The following SPOPL variants were observed in gnomAD, a reference collection of about 807,000 sequenced individuals.
The protein encoded by SPOPL is speckle-type POZ protein-like.
In SPOPL, 23 loss-of-function variants were observed where a neutral mutation model predicts 53.8. The ratio of observed to expected loss-of-function variants is 0.43; its 90% confidence interval spans 0.31 to 0.61. The LOEUF (loss-of-function observed/expected upper bound fraction) is 0.61, where lower values mean the gene tolerates loss of function less well. Ranked by LOEUF, SPOPL falls within the 20% of genes least tolerant of loss-of-function variation. SPOPL has a pLI of 0.12. For synonymous variants in SPOPL, 164 were observed against 149.7 expected (o/e 1.10, Z -0.70); for missense variants, 442 against 466.9 (o/e 0.95, Z 0.49).
intron 1 of SPOPL, among the ~76,000 whole-genome samples, chr2:138,534,586 TA>T (rs1684887210): frequency 2.6e-5 from 4 of 152,190 alleles, no homozygotes; most frequent in African/African-American, 9.7e-5. Flanking sequence ...TATGTGCAGG[TA>T]TTTTTTTTAA....
At chr2:138,538,199 T>A (rs1490101260) in intron 1 of SPOPL, among the ~76,000 whole-genome samples, 1 of 152,188 alleles carries the variant, frequency 6.6e-6, no homozygotes, top group Non-Finnish European at 1.5e-5. Context: ...CCACTGTTGA[T>A]GAGTGAAATG....
chr2:138,514,413 A>G (rs1229040055), intron 1 of SPOPL, among the ~76,000 whole-genome samples: 1 of 152,172 alleles, frequency 6.6e-6, no homozygotes, highest in South Asian at 2.1e-4. Context: ...TTTGAATACA[A>G]TGGGAAGCAG....
At chr2:138,528,912 T>C (rs1684735568) in intron 1 of SPOPL, among the ~76,000 whole-genome samples, 1 of 152,214 alleles carries the variant, frequency 6.6e-6, no homozygotes, top group Non-Finnish European at 1.5e-5. Context: ...TATCTTCTTC[T>C]TAGAGTTAAT....
chr2:138,571,488 A>G lies in SPOPL; in HGVS notation c.*2408A>G, dbSNP rs754869845. On this transcript the variant is annotated 3_prime_UTR_variant, in exon 11 of 11. Coordinates refer to ENST00000280098, the MANE Select transcript of SPOPL (RefSeq NM_001001664.3). ...GTTTGTAGAAATGTCCACTTTTCAG[A>G]TAATATAATGCCTACCATTATACTA... is the stretch of plus-strand genomic sequence containing the variant. 1 of 152,566 alleles carries G rather than the reference A, an allele frequency of 6.6e-6. No individual in the cohort carries two copies. The highest frequency in any genetic ancestry group is 1.9e-4 in the East Asian group (1 of 5,200). 9.5% of individuals were successfully genotyped at this position (152,566 alleles called of 1,614,324 possible).
At chr2:138,519,656 G>C (rs115399602) in intron 1 of SPOPL, among the ~76,000 whole-genome samples, 1,646 of 152,186 alleles carry the variant, frequency 0.011, 31 homozygotes, top group African/African-American at 0.037. Flanking sequence ...AATTATGCAG[G>C]TATGGCATGC....
intron 1 of SPOPL, among the ~76,000 whole-genome samples, chr2:138,517,632 T>C (rs948756119): frequency 6.6e-6 from 1 of 151,258 alleles, no homozygotes; most frequent in Admixed American, 6.6e-5. Flanking sequence ...CCCAGGTACC[T>C]GAGAGGCTGA....
intron 8 of SPOPL, among the ~76,000 whole-genome samples, chr2:138,563,512 C>T (rs182851555): frequency 5.9e-5 from 9 of 152,004 alleles, no homozygotes; most frequent in Non-Finnish European, 1.2e-4. Flanking sequence ...ATCATTAGGT[C>T]GTTAGGGAAA....
rs1314681883 is a variant in SPOPL, at chr2:138,535,217, C to A, written c.-60-14940C>A. 2.0e-5 allele frequency among the ~76,000 whole-genome samples: 3 copies of A among 152,110 alleles called. No homozygotes were observed. In the East Asian group the frequency reaches 5.8e-4, roughly 29 times the overall value. Reference sequence around the variant, plus strand: ...GTACATGTACCACATTTTAAAAATTCATTTATTGCTTGATGAACATTTGGA... The same window carrying A: ...GTACATGTACCACATTTTAAAAATTAATTTATTGCTTGATGAACATTTGGA... On this transcript the variant is annotated intron_variant, in intron 1 of 10. Transcript: ENST00000280098.
At chr2:138,512,382 G>A (rs1257736514) in intron 1 of SPOPL, among the ~76,000 whole-genome samples, 4 of 152,130 alleles carry the variant, frequency 2.6e-5, no homozygotes, top group African/African-American at 7.2e-5. Context: ...AATAACCTGT[G>A]ATGTAGTTGG....
At chr2:138,520,714 A>G (rs1305517486) in intron 1 of SPOPL, among the ~76,000 whole-genome samples, 1 of 152,156 alleles carries the variant, frequency 6.6e-6, no homozygotes, top group African/African-American at 2.4e-5. Flanking sequence ...TGAATGAATG[A>G]TTTTTTAAAA....
At chr2:138,560,541 C>T (rs1372211900) in intron 7 of SPOPL, among the ~76,000 whole-genome samples, 1 of 151,678 alleles carries the variant, frequency 6.6e-6, no homozygotes, top group Non-Finnish European at 1.5e-5. Context: ...GATATGGGCT[C>T]TCCAGCTGGT....
At position 138,511,714 on chromosome 2, in the gene SPOPL, A is replaced by G. The variant is rs189160379; in HGVS notation, c.-61+9595A>G. Among the ~76,000 whole-genome samples the G allele has an allele frequency of 5.9e-5, 9 of 152,304 alleles. No individual in the cohort carries two copies. The East Asian group carries it at 1.7e-3, about 29-fold the overall frequency. Reference sequence around the variant, plus strand: ...AAATAGCTGTCTTAGAATTAGTGAAAGGTGGAATTAGTGCTACCTTGTTTT... The same window carrying G: ...AAATAGCTGTCTTAGAATTAGTGAAGGGTGGAATTAGTGCTACCTTGTTTT... On this transcript the variant is annotated intron_variant, in intron 1 of 10. Coordinates refer to ENST00000280098, the MANE Select transcript of SPOPL (RefSeq NM_001001664.3).
intron 1 of SPOPL, among the ~76,000 whole-genome samples, chr2:138,508,849 T>TA (rs1288025759): frequency 6.6e-6 from 1 of 152,180 alleles, no homozygotes; most frequent in Non-Finnish European, 1.5e-5. Flanking sequence ...TAAGTTTTGT[T>TA]ATGTCTTATA....
intron 1 of SPOPL, among the ~76,000 whole-genome samples, chr2:138,531,174 T>C (rs896956074): frequency 2.0e-5 from 3 of 151,872 alleles, no homozygotes; most frequent in Admixed American, 1.3e-4. Context: ...AATATAATTA[T>C]ATACTTATTT....
Position 138,568,963 on chromosome 2 carries a change from A to G in SPOPL, c.1062A>G (p.Ser354=). Residue 354 remains serine, a synonymous_variant, in exon 11 of 11, where the codon TCA becomes TCG. Transcript: ENST00000280098. ...AAGCAACCGACATAATGGAAACATC[A>G]GGGTGGAAGTCCATGATTCAGTCTC... The part of the protein sequence containing the change: ...SNQATDIMET[S]GWKSMIQSHP... 6.2e-7 allele frequency: 1 copy of G among 1,614,024 alleles called. No individual in the cohort carries two copies. Among genetic ancestry groups the G allele is most frequent in the South Asian group, 1.1e-5 (1 of 91,068 alleles).
At chr2:138,557,918 G>A (rs1685462844) in intron 5 of SPOPL, among the ~76,000 whole-genome samples, 2 of 152,106 alleles carry the variant, frequency 1.3e-5, no homozygotes, top group Admixed American at 1.3e-4. Flanking sequence ...CAACACTTTG[G>A]GAGGTCAAGG....
At chr2:138,534,710 T>G (rs1328220115) in intron 1 of SPOPL, among the ~76,000 whole-genome samples, 1 of 152,202 alleles carries the variant, frequency 6.6e-6, no homozygotes, top group East Asian at 1.9e-4. Context: ...CTCTGTCTAG[T>G]TCCAGAACAC....
intron 1 of SPOPL, among the ~76,000 whole-genome samples, chr2:138,512,457 C>T (rs771852873): frequency 2.6e-5 from 4 of 152,028 alleles, no homozygotes; most frequent in East Asian, 1.9e-4. Flanking sequence ...GTATTATTGA[C>T]GCGTGTTTTA....
At chr2:138,560,489 C>T (rs1685520690) in intron 7 of SPOPL, among the ~76,000 whole-genome samples, 2 of 151,366 alleles carry the variant, frequency 1.3e-5, no homozygotes, top group Non-Finnish European at 2.9e-5. Flanking sequence ...AATTGGGGCT[C>T]CTTTTTCCAC....
Sources: gnomAD v4.1 joint callset for allele counts (sites outside exome capture counted in the v4.1 genomes callset) on GRCh38, gnomAD v4.1.1 for gene constraint, MANE v1.5 for transcripts, NCBI Gene and HGNC (gene_info 2026-07-23, HGNC 2026-07-21) for gene names.